LGSN: variants seen among roughly 807,000 people sequenced by gnomAD.
The protein encoded by LGSN is lengsin, lens protein with glutamine synthetase domain.
In LGSN, 21 loss-of-function variants were observed where a neutral mutation model predicts 19.5. The observed-to-expected ratio is 1.07, with a 90% CI of 0.76 to 1.55. The LOEUF is 1.55. LGSN is among the 40% of genes most tolerant of loss of function. The pLI is 0.00. For synonymous variants in LGSN, 257 were observed against 215.6 expected (o/e 1.19, Z -1.68); for missense variants, 673 against 608.5 (o/e 1.11, Z -1.12).
the LGSN span, among the ~76,000 whole-genome samples, chr6:63,555,765 C>T: frequency 6.6e-6 from 1 of 150,808 alleles, no homozygotes; most frequent in Non-Finnish European, 1.5e-5. Context: ...GTGATCCCGG[C>T]TCACTGCAAC....
the LGSN span, among the ~76,000 whole-genome samples, chr6:63,360,040 T>G: frequency 1.3e-5 from 2 of 152,214 alleles, no homozygotes; most frequent in African/African-American, 4.8e-5. Flanking sequence ...CAGCTGTTAG[T>G]CTGACGGGCT....
the LGSN span, among the ~76,000 whole-genome samples, chr6:63,354,221 G>A: frequency 6.6e-6 from 1 of 152,212 alleles, no homozygotes; most frequent in South Asian, 2.1e-4. Flanking sequence ...TGCTGAATGG[G>A]AGAAAATATT....
At chr6:63,529,962 C>T in the LGSN span, among the ~76,000 whole-genome samples, 888 of 152,206 alleles carry the variant, frequency 5.8e-3, 5 homozygotes, top group African/African-American at 0.02. Context: ...TGTAATTTGT[C>T]TTTTCACCAT....
chr6:63,327,473 A>T, the LGSN span, among the ~76,000 whole-genome samples: 2 of 152,144 alleles, frequency 1.3e-5, no homozygotes, highest in Non-Finnish European at 2.9e-5. Flanking sequence ...TTAGTGTAGA[A>T]ACAACACTCT....
In LGSN at chr6:63,279,206, G is replaced by C. The variant is rs1767193125; in HGVS notation, c.*815C>G. On this transcript the variant is annotated 3_prime_UTR_variant, in exon 4 of 4. Transcript: ENST00000370657. ...ACTAGAGGTTTCAGAGGAACATCTA[G>C]TTTCAAAGAATGAAGCAGAGTAGAC... The C allele has an allele frequency of 6.6e-6, 1 of 152,192 alleles. No homozygotes were observed. The highest frequency in any genetic ancestry group is 1.5e-5 in the Non-Finnish European group (1 of 68,042). 9.4% of individuals were successfully genotyped at this position (152,192 alleles called of 1,614,324 possible).
chr6:63,421,482 C>T, the LGSN span, among the ~76,000 whole-genome samples: 1 of 151,762 alleles, frequency 6.6e-6, no homozygotes. Flanking sequence ...GTAATCCCAG[C>T]ACTTTGGGAG....
At position 63,303,545 on chromosome 6, in the gene LGSN, G is replaced by A. The variant is rs368502506; in HGVS notation, c.31-8500C>T. Among the ~76,000 whole-genome samples the A allele has an allele frequency of 5.9e-5, 9 of 152,298 alleles. No individual in the cohort carries two copies. The East Asian group carries it at 1.7e-3, about 29-fold the overall frequency. ...TCAGTTCCTCTTCCAATCAAAACAT[G>A]AGTTGACCATTTATGAAATAGTCAC... On this transcript the variant is annotated intron_variant, in intron 1 of 3. Transcript: ENST00000370657.
chr6:63,507,046 C>T, the LGSN span, among the ~76,000 whole-genome samples: 1 of 152,168 alleles, frequency 6.6e-6, no homozygotes, highest in Admixed American at 6.6e-5. Flanking sequence ...ACATTCCCAC[C>T]TTCCCCAGGG....
At chr6:63,511,356 C>T in the LGSN span, among the ~76,000 whole-genome samples, 7 of 150,750 alleles carry the variant, frequency 4.6e-5, no homozygotes, top group East Asian at 2.0e-4. Context: ...TATGTTCAAG[C>T]GATTCTTCTG....
chr6:63,303,262 G>T (rs78187495), intron 1 of LGSN, among the ~76,000 whole-genome samples: 4,022 of 152,174 alleles, frequency 0.026, 176 homozygotes, highest in African/African-American at 0.092. Context: ...ATTGTCATTT[G>T]TAATGCATGT....
the LGSN span, among the ~76,000 whole-genome samples, chr6:63,367,752 T>C: frequency 1.3e-5 from 2 of 149,968 alleles, no homozygotes; most frequent in Non-Finnish European, 2.9e-5. Context: ...CATGGAATAC[T>C]ATGCAGCCAT....
chr6:63,529,163 GTATATATATATA>G, the LGSN span, among the ~76,000 whole-genome samples: 12 of 137,524 alleles, frequency 8.7e-5, no homozygotes, highest in Non-Finnish European at 1.2e-4. Flanking sequence ...ATATATGTGT[GTATATATATATA>G]TGTATATATA....
At chr6:63,363,368 A>G in the LGSN span, among the ~76,000 whole-genome samples, 1 of 152,248 alleles carries the variant, frequency 6.6e-6, no homozygotes, top group African/African-American at 2.4e-5. Context: ...AGTTGAGAGA[A>G]GGATTCAGAC....
At chr6:63,373,983 C>A in the LGSN span, among the ~76,000 whole-genome samples, 2 of 151,962 alleles carry the variant, frequency 1.3e-5, no homozygotes, top group Admixed American at 1.3e-4. Context: ...ATCCATGGGA[C>A]AATTGACAAA....
chr6:63,470,171 C>T, the LGSN span, among the ~76,000 whole-genome samples: 7 of 151,914 alleles, frequency 4.6e-5, no homozygotes, highest in Admixed American at 2.6e-4. Context: ...CAGGCAGGCA[C>T]GCACTCAGAC....
the LGSN span, among the ~76,000 whole-genome samples, chr6:63,474,791 C>T: frequency 1.3e-5 from 2 of 149,742 alleles, no homozygotes; most frequent in Non-Finnish European, 3.0e-5. Context: ...GGCGTGGTGG[C>T]AGATGCCTGT....
chr6:63,354,482 C>T, the LGSN span, among the ~76,000 whole-genome samples: 1 of 152,022 alleles, frequency 6.6e-6, no homozygotes, highest in African/African-American at 2.4e-5. Context: ...ATTAAAAAGA[C>T]AAAAATATAA....
chr6:63,520,765 T>C, the LGSN span, among the ~76,000 whole-genome samples: 1 of 152,180 alleles, frequency 6.6e-6, no homozygotes. Context: ...GTCAATATGA[T>C]TAGTGTCAGA....
the LGSN span, among the ~76,000 whole-genome samples, chr6:63,552,393 C>A: frequency 3.6e-4 from 55 of 151,954 alleles, no homozygotes; most frequent in African/African-American, 1.3e-3. Context: ...TTGTTTTTTT[C>A]TTGTAAATTT....
Sources: gnomAD v4.1 joint callset for allele counts (sites outside exome capture counted in the v4.1 genomes callset) on GRCh38, gnomAD v4.1.1 for gene constraint, MANE v1.5 for transcripts, NCBI Gene and HGNC (gene_info 2026-07-23, HGNC 2026-07-21) for gene names.